AGO4: variants seen among roughly 807,000 people sequenced by gnomAD.
AGO4 encodes the protein argonaute RISC component 4.
Under a neutral mutation model 104.7 loss-of-function variants are expected in AGO4, and 33 were observed. The observed-to-expected ratio is 0.32, with a 90% CI of 0.24 to 0.42. AGO4 has a LOEUF of 0.42. Ranked by LOEUF, AGO4 falls within the 10% of genes least tolerant of loss-of-function variation. The pLI, the probability that AGO4 is intolerant of heterozygous loss-of-function variation, is 1.00. For missense variants in AGO4, 711 were observed against 1,083.4 expected (o/e 0.66, Z 4.83); for synonymous variants, 331 against 364.7 (o/e 0.91, Z 1.05).
At position 35,841,452 on chromosome 1, in the gene AGO4, G is replaced by T; in HGVS notation, c.2012G>T (p.Gly671Val). The T allele has an allele frequency of 6.2e-7, 1 of 1,613,456 alleles. No individual in the cohort carries two copies. Among genetic ancestry groups the T allele is most frequent in the Non-Finnish European group, 8.5e-7 (1 of 1,179,408 alleles). Reference protein sequence around the residue: ...FKPTRIIYYRGGVSEGQMKQV... With the variant: ...FKPTRIIYYRVGVSEGQMKQV... Reference sequence around the variant, plus strand: ...CCCACTCGGATCATCTATTACCGTGGAGGGGTATCTGAGGGACAAATGAAA... The same window carrying T: ...CCCACTCGGATCATCTATTACCGTGTAGGGGTATCTGAGGGACAAATGAAA... Residue 671 changes from glycine to valine, a missense_variant, in exon 14 of 18, where the codon GGA (glycine) becomes GTA (valine). By Grantham distance (109) the Gly-to-Val change is moderately radical. Coordinates refer to ENST00000373210, the MANE Select transcript of AGO4 (RefSeq NM_017629.4). The surrounding 1 kb of genome is among the most constrained non-coding windows in gnomAD (Gnocchi z 4.7).
At chr1:35,826,446 A>G (rs1474878207) in intron 6 of AGO4, among the ~76,000 whole-genome samples, 3 of 152,178 alleles carry the variant, frequency 2.0e-5, no homozygotes, top group Admixed American at 1.3e-4. Context: ...TTCCCTCACT[A>G]GAATATAAAC....
rs553299446 is a variant in AGO4 at position 35,846,381 on chromosome 1, A to G, written c.2176-3776A>G. Among the ~76,000 whole-genome samples the G allele has an allele frequency of 6.6e-5, 10 of 152,050 alleles. No individual in the cohort carries two copies. In the East Asian group the frequency reaches 1.7e-3, roughly 27 times the overall value. ...GGGAGGCTGAGGTGGGCGGATCACAAGGTCAGGAGATCGAGACCATCCTGG... is the reference window on the plus strand; with the variant it reads ...GGGAGGCTGAGGTGGGCGGATCACAGGGTCAGGAGATCGAGACCATCCTGG... On this transcript the variant is annotated intron_variant, in intron 15 of 17. Transcript: ENST00000373210.
At position 35,850,985 on chromosome 1, in the gene AGO4, C is replaced by T. The variant is rs1363331202; in HGVS notation, c.2409C>T (p.Ala803=). ...VRCTRSVSIP[A]PAYYARLVAF... is the part of the protein sequence containing the mutation. ...GCACTCGCTCAGTCTCTATTCCAGC[C>T]CCTGCATATTATGCCCGGCTTGTAG... is the stretch of plus-strand genomic sequence containing the variant. Residue 803 remains alanine, a synonymous_variant, in exon 17 of 18, where the codon GCC becomes GCT. Coordinates refer to ENST00000373210, the MANE Select transcript of AGO4 (RefSeq NM_017629.4). 3.7e-6 allele frequency: 6 copies of T among 1,613,924 alleles called. 1 individual carries two copies. The East Asian group carries it at 8.9e-5, about 24-fold the overall frequency.
chr1:35,809,649 A>T (rs924743263), intron 1 of AGO4, among the ~76,000 whole-genome samples: 1 of 152,196 alleles, frequency 6.6e-6, no homozygotes, highest in Non-Finnish European at 1.5e-5. Flanking sequence ...TTAACTTCAG[A>T]TATGTCCCCT....
At position 35,841,131 on chromosome 1, in the gene AGO4, G is replaced by T. The variant is rs761369001; in HGVS notation, c.1725-34G>T. 2 of 1,590,402 alleles carry T rather than the reference G, an allele frequency of 1.3e-6. No homozygotes were observed. The highest frequency in any genetic ancestry group is 1.7e-6 in the Non-Finnish European group (2 of 1,162,174). Reference sequence around the variant, plus strand: ...TAAACTCAAACATTTTCACTTATATGTCTGAGTGGCAACATCTCCTTAAAT... The same window carrying T: ...TAAACTCAAACATTTTCACTTATATTTCTGAGTGGCAACATCTCCTTAAAT... On this transcript the variant is annotated intron_variant, in intron 13 of 17. Coordinates refer to ENST00000373210, the MANE Select transcript of AGO4 (RefSeq NM_017629.4). The surrounding 1 kb of genome is among the most constrained non-coding windows in gnomAD (Gnocchi z 4.7).
chr1:35,829,926 G>A (rs1466978665), intron 7 of AGO4, among the ~76,000 whole-genome samples: 1 of 150,806 alleles, frequency 6.6e-6, no homozygotes. Context: ...TTGGGAGGCT[G>A]AGGAAAGAGG....
chr1:35,846,347 C>G (rs1644572060), intron 15 of AGO4, among the ~76,000 whole-genome samples: 1 of 152,058 alleles, frequency 6.6e-6, no homozygotes. Flanking sequence ...CCTGTAATCC[C>G]AGCACTTTGG....
At chr1:35,826,605 T>G in intron 6 of AGO4, 143 bp from the exon 7 acceptor site, 1 of 727,294 alleles carries the variant, frequency 1.4e-6, no homozygotes, top group Non-Finnish European at 2.4e-6. Flanking sequence ...TCAGGTTTTT[T>G]GCCTATAACG....
rs1643383644 is a variant in AGO4 at position 35,808,675 on chromosome 1, C to A, written c.19+240C>A. 6.6e-6 allele frequency among the ~76,000 whole-genome samples: 1 copy of A among 152,214 alleles called. No individual in the cohort carries two copies. Among genetic ancestry groups the A allele is most frequent in the South Asian group, 2.1e-4 (1 of 4,826 alleles). On this transcript the variant is annotated intron_variant, in intron 1 of 17. Transcript: ENST00000373210. The surrounding 1 kb of genome is among the most constrained non-coding windows in gnomAD (Gnocchi z 5.2). ...GGGGGAGGTTCGGGAAGGTGACCGG[C>A]GCTGCCGGGCGGAGGCCACTCTTGG... is the stretch of plus-strand genomic sequence containing the variant.
In AGO4 at chr1:35,835,903, T is replaced by G. The variant is rs1200318726; in HGVS notation, c.1634T>G (p.Val545Gly). 2.8e-5 allele frequency: 46 copies of G among 1,614,084 alleles called. No homozygotes were observed. Among genetic ancestry groups the G allele is most frequent in the Non-Finnish European group, 3.9e-5 (46 of 1,179,988 alleles). Residue 545 changes from valine to glycine, a missense_variant, in exon 13 of 18, where the codon GTG becomes GGG. Around this residue, in one of 3 missense-constraint regions of AGO4, gnomAD observed 401 missense variants for 665.5 expected, o/e 0.60. Transcript: ENST00000373210. ...CAGTGTGTCCAGGTAAAAAATGTAG[T>G]GAAGACCTCACCTCAAACCCTTTCC... ...ATQCVQVKNV[V>G]KTSPQTLSNL...
rs890940752 is a variant in AGO4, at chr1:35,853,814, T to G, written c.*209T>G. 2.6e-5 allele frequency: 11 copies of G among 431,096 alleles called. No homozygotes were observed. Among genetic ancestry groups the G allele is most frequent in the Non-Finnish European group, 4.2e-5 (10 of 238,554 alleles). The allele number at this position is 431,096 out of a possible 1,614,324, so 26.7% of individuals were successfully genotyped here. A position where few individuals can be genotyped will look rare whatever the true frequency, so the allele number is the denominator to read the frequency against. ...TTTTAAAGTAATAGATACTAATAGA[T>G]TATCTTTTCTGATGCACTGGACTGA... On this transcript the variant is annotated 3_prime_UTR_variant, in exon 18 of 18. Transcript: ENST00000373210.
At chr1:35,813,619 C>G (rs540977794) in intron 1 of AGO4, among the ~76,000 whole-genome samples, 2 of 151,428 alleles carry the variant, frequency 1.3e-5, no homozygotes, top group Admixed American at 1.3e-4. Flanking sequence ...CAAAAATTAG[C>G]TGGGGTGGTA....
intron 7 of AGO4, 83 bp from the exon 8 acceptor site, chr1:35,831,344 C>T (rs771874424): frequency 1.2e-5 from 17 of 1,438,972 alleles, no homozygotes; most frequent in Non-Finnish European, 1.5e-5. Flanking sequence ...GAGTGAGACA[C>T]TGTCTCAAAA....
chr1:35,850,142 T>C lies in AGO4; in HGVS notation c.2176-15T>C. ...GGCACTTTGATGACTAATTACTTTT[T>C]TTTGTTTTTTGTAGGTAGGGAAAAG... On this transcript the variant is annotated splice_polypyrimidine_tract_variant and intron_variant, in intron 15 of 17. Coordinates refer to ENST00000373210, the MANE Select transcript of AGO4 (RefSeq NM_017629.4). 6.4e-7 allele frequency: 1 copy of C among 1,554,746 alleles called. No homozygotes were observed. Among genetic ancestry groups the C allele is most frequent in the Non-Finnish European group, 8.7e-7 (1 of 1,150,390 alleles).
chr1:35,826,040 A>G lies in AGO4; in HGVS notation c.740A>G (p.Lys247Arg), dbSNP rs774932844. ...CCTCTAACAGACTCCCAGCGTGTCAAATTTACCAAAGAAATCAGAGGTAAG... is the reference window on the plus strand; with the variant it reads ...CCTCTAACAGACTCCCAGCGTGTCAGATTTACCAAAGAAATCAGAGGTAAG... ...TKPLTDSQRV[K>R]FTKEIRGLKV... is the part of the protein sequence containing the mutation. The change falls in exon 6 of 18, where the codon AAA becomes AGA. Residue 247 changes from lysine (K) to arginine (R), a missense_variant. Lys to Arg is a conservative substitution (Grantham distance 26, BLOSUM62 2). Around this residue, in one of 3 missense-constraint regions of AGO4, gnomAD observed 308 missense variants for 397.8 expected, o/e 0.77. Coordinates refer to ENST00000373210, the MANE Select transcript of AGO4 (RefSeq NM_017629.4). 2.5e-6 allele frequency: 4 copies of G among 1,614,144 alleles called. No individual in the cohort carries two copies. In the South Asian group the frequency reaches 3.3e-5, roughly 13 times the overall value.
intron 15 of AGO4, among the ~76,000 whole-genome samples, chr1:35,844,231 A>G (rs1436009968): frequency 3.9e-5 from 6 of 152,140 alleles, no homozygotes; most frequent in Admixed American, 2.0e-4. Flanking sequence ...TTTTGTAGAG[A>G]TGGGGTTTCA....
chr1:35,812,821 A>G (rs1643552165), intron 1 of AGO4, among the ~76,000 whole-genome samples: 1 of 151,890 alleles, frequency 6.6e-6, no homozygotes, highest in Admixed American at 6.6e-5. Context: ...CAAACTTCTG[A>G]CCTCAGGTGA....
In AGO4 at chr1:35,841,339, G is replaced by A; in HGVS notation, c.1899G>A (p.Glu633=). ...VQTSRQEISQ[E]LLYSQEVIQD... ...CTTCCCGGCAGGAGATCTCCCAAGA[G>A]CTCCTCTACAGTCAAGAGGTCATCC... Residue 633 remains glutamate (E), a synonymous_variant, in exon 14 of 18, where the codon GAG becomes GAA. Coordinates refer to ENST00000373210, the MANE Select transcript of AGO4 (RefSeq NM_017629.4). The surrounding 1 kb of genome is among the most constrained non-coding windows in gnomAD (Gnocchi z 4.7). 6.2e-7 allele frequency: 1 copy of A among 1,614,202 alleles called. No homozygotes were observed. The highest frequency in any genetic ancestry group is 8.5e-7 in the Non-Finnish European group (1 of 1,180,040).
At chr1:35,848,290 A>G (rs1644620107) in intron 15 of AGO4, among the ~76,000 whole-genome samples, 1 of 152,162 alleles carries the variant, frequency 6.6e-6, no homozygotes, top group South Asian at 2.1e-4. Flanking sequence ...TTGCTTATCC[A>G]TTTCTGAGTT....
Sources: allele counts gnomAD v4.1 joint callset (sites outside exome capture counted in the v4.1 genomes callset), GRCh38; gene constraint gnomAD v4.1.1; regional missense constraint gnomAD v4.1.1; non-coding constraint Gnocchi (gnomAD v3.1); transcripts MANE v1.5; gene names NCBI Gene and HGNC (gene_info 2026-07-23, HGNC 2026-07-21).